SYT6: variants seen among roughly 807,000 people sequenced by gnomAD.
SYT6 encodes synaptotagmin 6.
A neutral mutation model predicts 38.4 loss-of-function variants in SYT6; 24 were observed. That is an observed-to-expected ratio of 0.62 (90% CI 0.45 to 0.88). The LOEUF (loss-of-function observed/expected upper bound fraction) is 0.88, where lower values mean the gene tolerates loss of function less well. SYT6 is among the 40% of genes least tolerant of loss of function. The pLI is 0.00. For missense variants in SYT6, 611 were observed against 621.0 expected (o/e 0.98, Z 0.17); for synonymous variants, 265 against 241.9 (o/e 1.10, Z -0.89).
At chr1:114,092,172 A>G (rs1675342736) in intron 7 of SYT6, 90 bp from the exon 8 acceptor site, 2 of 1,226,080 alleles carry the variant, frequency 1.6e-6, no homozygotes, top group East Asian at 2.7e-5. Context: ...CACTGAATTC[A>G]CCTTTCCTAG....
At chr1:114,103,097 C>T (rs1042057564) in intron 4 of SYT6, among the ~76,000 whole-genome samples, 10 of 152,200 alleles carry the variant, frequency 6.6e-5, no homozygotes, top group Admixed American at 1.3e-4. Context: ...AATACAAATG[C>T]ATTTTGCTTT....
intron 1 of SYT6, among the ~76,000 whole-genome samples, chr1:114,145,199 G>A (rs953909872): frequency 7.9e-5 from 12 of 152,100 alleles, no homozygotes; most frequent in South Asian, 2.1e-4. Flanking sequence ...TTAATATACA[G>A]GTTGATAGGA....
At chr1:114,128,015 G>A (rs1677844668) in intron 3 of SYT6, among the ~76,000 whole-genome samples, 1 of 152,230 alleles carries the variant, frequency 6.6e-6, no homozygotes, top group South Asian at 2.1e-4. Context: ...CAGCTGGGAG[G>A]GCCACTGCTG....
intron 3 of SYT6, among the ~76,000 whole-genome samples, chr1:114,124,100 C>A (rs1022615234): frequency 2.0e-5 from 3 of 152,188 alleles, no homozygotes; most frequent in African/African-American, 7.2e-5. Flanking sequence ...CACCCAAGCC[C>A]TAAGGAGGGG....
chr1:114,150,388 C>T (rs1186703474), intron 1 of SYT6, among the ~76,000 whole-genome samples: 1 of 152,182 alleles, frequency 6.6e-6, no homozygotes, highest in African/African-American at 2.4e-5. Context: ...ATATCATCTC[C>T]TTGGGTTCTA....
At chr1:114,107,975 G>A (rs1268569596) in intron 3 of SYT6, among the ~76,000 whole-genome samples, 1 of 152,220 alleles carries the variant, frequency 6.6e-6, no homozygotes, top group Non-Finnish European at 1.5e-5. Flanking sequence ...TGGTGCAGGA[G>A]AGGTCACTGC....
At position 114,097,717 on chromosome 1, in the gene SYT6, C is replaced by T. The variant is rs1483964505; in HGVS notation, c.1515+10G>A. 6.2e-7 allele frequency: 1 copy of T among 1,613,568 alleles called. No individual in the cohort carries two copies. The highest frequency in any genetic ancestry group is 1.1e-5 in the South Asian group (1 of 91,012). On this transcript the variant is annotated intron_variant, in intron 6 of 7. Transcript: ENST00000610222. ...AGCAAACATGCCAAGGGCCAGGTGA[C>T]CTCACCCACCTCTTTGAAGGATTTC...
chr1:114,115,001 C>T (rs1007777241), intron 3 of SYT6, among the ~76,000 whole-genome samples: 5 of 152,180 alleles, frequency 3.3e-5, no homozygotes, highest in Non-Finnish European at 7.3e-5. Flanking sequence ...GCTGCCTTAT[C>T]CAAATTTACA....
intron 1 of SYT6, among the ~76,000 whole-genome samples, chr1:114,147,578 C>T (rs891368092): frequency 2.0e-5 from 3 of 152,218 alleles, no homozygotes; most frequent in African/African-American, 7.2e-5. Context: ...GGGCACATGG[C>T]TTCTAGCCCT....
At chr1:114,097,594 A>G (rs1227293415) in intron 6 of SYT6, 133 bp downstream of exon 6, 4 of 1,112,218 alleles carry the variant, frequency 3.6e-6, no homozygotes, top group Non-Finnish European at 5.2e-6. Flanking sequence ...CCTATTACAC[A>G]CTGGGTAAGA....
At chr1:114,148,705 A>G (rs1679283725) in intron 1 of SYT6, among the ~76,000 whole-genome samples, 1 of 151,756 alleles carries the variant, frequency 6.6e-6, no homozygotes, top group Admixed American at 6.6e-5. Flanking sequence ...TTATTTATTA[A>G]TACATAGTGA....
chr1:114,115,135 A>G (rs1676919230), intron 3 of SYT6, among the ~76,000 whole-genome samples: 1 of 152,216 alleles, frequency 6.6e-6, no homozygotes, highest in Non-Finnish European at 1.5e-5. Flanking sequence ...GATCAGCATC[A>G]CTTGGAACTA....
intron 3 of SYT6, among the ~76,000 whole-genome samples, chr1:114,122,401 C>G (rs1677457711): frequency 6.6e-6 from 1 of 152,116 alleles, no homozygotes; most frequent in South Asian, 2.1e-4. Flanking sequence ...GGAGGGTTGA[C>G]AGAAAGCCAA....
intron 3 of SYT6, among the ~76,000 whole-genome samples, chr1:114,106,884 C>T (rs1027413619): frequency 2.6e-5 from 4 of 152,200 alleles, no homozygotes; most frequent in African/African-American, 9.6e-5. Context: ...GGGACAGGGT[C>T]CTTGCCTTGC....
At chr1:114,136,997 C>T (rs1391466645) in intron 3 of SYT6, among the ~76,000 whole-genome samples, 3 of 152,154 alleles carry the variant, frequency 2.0e-5, no homozygotes, top group African/African-American at 2.4e-5. Flanking sequence ...TGTGGGGGCC[C>T]GTGTCTAAAT....
At chr1:114,108,614 C>T (rs769721830) in intron 3 of SYT6, among the ~76,000 whole-genome samples, 16 of 152,316 alleles carry the variant, frequency 1.1e-4, no homozygotes, top group East Asian at 3.9e-4. Context: ...CCAACTGAGA[C>T]GACCCAAGGA....
At chr1:114,120,847 G>T (rs1383186039) in intron 3 of SYT6, among the ~76,000 whole-genome samples, 1 of 152,224 alleles carries the variant, frequency 6.6e-6, no homozygotes, top group Non-Finnish European at 1.5e-5. Flanking sequence ...GGTAAAGAGG[G>T]TGTGGCTGGC....
At position 114,103,674 on chromosome 1, in the gene SYT6, G is replaced by C. The variant is rs760235846; in HGVS notation, c.1119C>G (p.Pro373=). ...GEIMFSLCYL[P]TAGRLTLTVI... The stretch of plus-strand genomic sequence containing the variant: ...CTGTGAGGGTGAGCCTGCCTGCAGT[G>C]GGCAGGTAGCAAAGGGAGAACATGA... Residue 373 remains proline, a synonymous_variant, in exon 4 of 8, where the codon CCC becomes CCG. Coordinates refer to ENST00000610222, the MANE Select transcript of SYT6 (RefSeq NM_001253772.2). The C allele has an allele frequency of 3.2e-5, 52 of 1,614,020 alleles. No homozygotes were observed. The South Asian group carries it at 5.4e-4, about 17-fold the overall frequency.
intron 3 of SYT6, among the ~76,000 whole-genome samples, chr1:114,110,487 A>G (rs1212983619): frequency 6.6e-6 from 1 of 152,142 alleles, no homozygotes; most frequent in East Asian, 1.9e-4. Context: ...GCTAGCAAAG[A>G]GTGCTGTGGG....
Sources: allele counts gnomAD v4.1 joint callset (sites outside exome capture counted in the v4.1 genomes callset), GRCh38; gene constraint gnomAD v4.1.1; transcripts MANE v1.5; gene names NCBI Gene and HGNC (gene_info 2026-07-23, HGNC 2026-07-21).